FN1: variants seen among roughly 807,000 people sequenced by gnomAD.
FN1 encodes the protein fibronectin.
Under a neutral mutation model 297.3 loss-of-function variants are expected in FN1, and 106 were observed. That is an observed-to-expected ratio of 0.36 (90% confidence interval 0.30 to 0.42). FN1 has a LOEUF of 0.42. Ranked by LOEUF, FN1 falls within the 10% of genes least tolerant of loss-of-function variation. The pLI is 1.00. For missense variants in FN1, 2,690 were observed against 3,124.9 expected (o/e 0.86, Z 3.32); for synonymous variants, 1,149 against 1,152.6 (o/e 1.00, Z 0.06).
chr2:215,373,904 G>A (rs2056766315), intron 38 of FN1, among the ~76,000 whole-genome samples: 2 of 151,944 alleles, frequency 1.3e-5, no homozygotes, highest in African/African-American at 2.4e-5. Context: ...GGATGGTCTC[G>A]ATCTCCTGAC....
In FN1 at chr2:215,397,707, C is replaced by T; in HGVS notation, c.3490G>A (p.Ala1164Thr). The T allele has an allele frequency of 1.9e-6, 3 of 1,614,130 alleles. No individual in the cohort carries two copies. Among genetic ancestry groups the T allele is most frequent in the African/African-American group, 1.3e-5 (1 of 75,050 alleles). The change falls in exon 22 of 46, where the codon GCG (alanine) becomes ACG (threonine). Residue 1164 changes from alanine to threonine, a missense_variant. Ala to Thr is a moderately conservative substitution (Grantham distance 58). Coordinates refer to ENST00000354785, the MANE Select transcript of FN1 (RefSeq NM_212482.4). The stretch of plus-strand genomic sequence containing the variant: ...GTCACCACTTTGTTTACAATTGGCG[C>T]ATCTCTTTCCTGTCCATCTCTCAGG... ...QVLRDGQERD[A>T]PIVNKVVTPL... is the part of the protein sequence containing the mutation.
intron 15 of FN1, among the ~76,000 whole-genome samples, 178 bp downstream of exon 15, chr2:215,409,385 G>A (rs1387236921): frequency 6.6e-6 from 1 of 152,094 alleles, no homozygotes; most frequent in Non-Finnish European, 1.5e-5. Context: ...GAAAAACCCG[G>A]CCACTTCTTA....
chr2:215,420,954 T>C, intron 10 of FN1, 153 bp from the exon 11 acceptor site: 1 of 818,262 alleles, frequency 1.2e-6, no homozygotes. Flanking sequence ...ATAACATTTT[T>C]TTCAAAGTTT....
chr2:215,429,038 C>CA (rs999053718), intron 5 of FN1, among the ~76,000 whole-genome samples: 12 of 150,928 alleles, frequency 8.0e-5, no homozygotes, highest in African/African-American at 1.5e-4. Flanking sequence ...CAAAACAAAA[C>CA]AAAAAAAACA....
intron 42 of FN1, 81 bp from the exon 43 acceptor site, chr2:215,365,711 C>A: frequency 7.3e-7 from 1 of 1,362,638 alleles, no homozygotes; most frequent in Non-Finnish European, 1.0e-6. Context: ...TGGGACGTGT[C>A]ACAGGGTCTT....
At chr2:215,412,422 A>G (rs746859611) in intron 13 of FN1, among the ~76,000 whole-genome samples, 3 of 152,092 alleles carry the variant, frequency 2.0e-5, no homozygotes, top group Non-Finnish European at 2.9e-5. Context: ...TTAATATGAG[A>G]CTTGATGATT....
In FN1 at chr2:215,423,411, C is replaced by G; in HGVS notation, c.1332G>C (p.Lys444Asn). Residue 444 changes from lysine (K) to asparagine (N), a missense_variant, in exon 9 of 46, where the codon AAG becomes AAC. By Grantham distance (94) the Lys-to-Asn change is moderately conservative. Coordinates refer to ENST00000354785, the MANE Select transcript of FN1 (RefSeq NM_212482.4). ...CATAGTTCTGTGTGGTCCCACACCACTTCATGTTGTCTCTTCTGCCCTCAG... is the reference window on the plus strand; with the variant it reads ...CATAGTTCTGTGTGGTCCCACACCAGTTCATGTTGTCTCTTCTGCCCTCAG... ...CTSEGRRDNM[K>N]WCGTTQNYDA... 6.2e-7 allele frequency: 1 copy of G among 1,614,236 alleles called. No individual in the cohort carries two copies.
At chr2:215,379,735 C>CCAGGCGGCAGTGCAGTGGAGTTAT (rs1350793287) in intron 33 of FN1, 1 of 239,488 alleles carries the variant, frequency 4.2e-6, no homozygotes, top group African/African-American at 2.3e-5. Context: ...TCTGTGTCAT[C>CCAGGCGGCAGTGCAGTGGAGTTAT]CAGGCGGCAG....
chr2:215,426,982 T>G (rs1319761698), intron 6 of FN1, among the ~76,000 whole-genome samples: 1 of 151,906 alleles, frequency 6.6e-6, no homozygotes, highest in East Asian at 1.9e-4. Flanking sequence ...TTCATGCCAT[T>G]CTCCTGCCTC....
intron 19 of FN1, 101 bp from the exon 20 acceptor site, chr2:215,404,756 G>T: frequency 1.8e-6 from 2 of 1,127,932 alleles, no homozygotes; most frequent in East Asian, 2.4e-5. Context: ...CTCTCCTCAA[G>T]GTTGTAACTA....
chr2:215,371,081 A>C (rs2055956983), intron 40 of FN1, among the ~76,000 whole-genome samples: 1 of 151,724 alleles, frequency 6.6e-6, no homozygotes. Flanking sequence ...CATCCTGGCC[A>C]ACATCGTGAA....
In FN1 at chr2:215,370,362, A is replaced by G. The variant is rs1351159945; in HGVS notation, c.6785T>C (p.Ile2262Thr). 1.2e-6 allele frequency: 2 copies of G among 1,613,770 alleles called. No individual in the cohort carries two copies. Among genetic ancestry groups the G allele is most frequent in the African/African-American group, 1.3e-5 (1 of 74,802 alleles). Reference protein sequence around the residue: ...GLTRGATYNVIVEALKDQQRH... With the variant: ...GLTRGATYNVTVEALKDQQRH... The stretch of plus-strand genomic sequence containing the variant: ...CTGCTGGTCTTTCAGTGCCTCCACT[A>G]TGACGTTGTAGGTGGCACCTCTGGT... The change falls in exon 41 of 46, where the codon ATA (isoleucine) becomes ACA (threonine). Residue 2262 changes from isoleucine to threonine, a missense_variant. Ile to Thr is a moderately conservative substitution (Grantham distance 89). This residue lies in a region of FN1 where 1,743 missense variants were observed against 1,945.2 expected (regional missense o/e 0.90). Coordinates refer to ENST00000354785, the MANE Select transcript of FN1 (RefSeq NM_212482.4).
In FN1 at chr2:215,371,894, A is replaced by G. The variant is rs2056253316; in HGVS notation, c.6714+15T>C. 1.3e-5 allele frequency: 20 copies of G among 1,597,646 alleles called. No homozygotes were observed. The East Asian group carries it at 4.5e-4, about 36-fold the overall frequency. Reference sequence around the variant, plus strand: ...CTGTGCTGCCCCATGAGAAGTGAAGAGAACAATTAATTACCTGTAAGGGTT... The same window carrying G: ...CTGTGCTGCCCCATGAGAAGTGAAGGGAACAATTAATTACCTGTAAGGGTT... On this transcript the variant is annotated intron_variant, in intron 40 of 45. Transcript: ENST00000354785.
At chr2:215,408,040 A>G in intron 17 of FN1, 68 bp downstream of exon 17, 1 of 1,225,520 alleles carries the variant, frequency 8.2e-7, no homozygotes, top group Non-Finnish European at 1.2e-6. Context: ...CGCAGTCAGA[A>G]TCTGCGCCCT....
chr2:215,375,595 T>C (rs1439424928), intron 37 of FN1, 34 bp downstream of exon 37: 11 of 1,459,714 alleles, frequency 7.5e-6, no homozygotes, highest in Non-Finnish European at 1.1e-5. Flanking sequence ...TGCATACAAG[T>C]CAATGGCATT....
chr2:215,376,045 A>G lies in FN1; in HGVS notation c.5888-327T>C, dbSNP rs1022015479. On this transcript the variant is annotated intron_variant, in intron 36 of 45. Transcript: ENST00000354785. Reference sequence around the variant, plus strand: ...TCTCTTTACCGTAATCAGATGGTCAATAGTTGAGCCTTGGAATCACAATTT... The same window carrying G: ...TCTCTTTACCGTAATCAGATGGTCAGTAGTTGAGCCTTGGAATCACAATTT... Among the ~76,000 whole-genome samples, 6 of 152,194 alleles carry G rather than the reference A, an allele frequency of 3.9e-5. No individual in the cohort carries two copies. The East Asian group carries it at 5.8e-4, about 15-fold the overall frequency.
At chr2:215,414,579 G>T in intron 13 of FN1, 1 of 706,604 alleles carries the variant, frequency 1.4e-6, no homozygotes, top group Non-Finnish European at 2.0e-6. Flanking sequence ...AAAGATTTCT[G>T]TAACATAAAG....
chr2:215,401,290 G>GA (rs1559477002), intron 20 of FN1, among the ~76,000 whole-genome samples: 3 of 43,568 alleles, frequency 6.9e-5, no homozygotes, highest in Non-Finnish European at 1.1e-4. Flanking sequence ...AGGAAGAAAA[G>GA]AGAGAGAGAG....
Position 215,370,337 on chromosome 2 carries a change from C to T in FN1, c.6810G>A (p.Gln2270=), listed in dbSNP as rs918445642. 1 of 1,614,006 alleles carries T rather than the reference C, an allele frequency of 6.2e-7. No homozygotes were observed. The highest frequency in any genetic ancestry group is 1.7e-5 in the Admixed American group (1 of 60,018). Reference sequence around the variant, plus strand: ...CAACCTCTTCCCGAACCTTATGCCTCTGCTGGTCTTTCAGTGCCTCCACTA... The same window carrying T: ...CAACCTCTTCCCGAACCTTATGCCTTTGCTGGTCTTTCAGTGCCTCCACTA... ...NVIVEALKDQ[Q]RHKVREEVVT... is the part of the protein sequence containing the mutation. The change falls in exon 41 of 46, where the codon CAG becomes CAA. Residue 2270 remains glutamine (Q), a synonymous_variant. Coordinates refer to ENST00000354785, the MANE Select transcript of FN1 (RefSeq NM_212482.4).
Sources: gnomAD v4.1 joint callset for allele counts (sites outside exome capture counted in the v4.1 genomes callset) on GRCh38, gnomAD v4.1.1 for gene constraint, gnomAD v4.1.1 regional missense constraint, MANE v1.5 for transcripts, NCBI Gene and HGNC (gene_info 2026-07-23, HGNC 2026-07-21) for gene names.